LAMA3: variants seen among roughly 807,000 people sequenced by gnomAD.
The protein encoded by LAMA3 is laminin subunit alpha 3.
In LAMA3, 281 loss-of-function variants were observed where a neutral mutation model predicts 402.0. The ratio of observed to expected loss-of-function variants is 0.70; its 90% CI spans 0.63 to 0.77. The LOEUF (loss-of-function observed/expected upper bound fraction) is 0.77. Ranked by LOEUF, LAMA3 falls within the 30% of genes least tolerant of loss-of-function variation. The pLI is 0.00. For synonymous variants in LAMA3, 1,431 were observed against 1,558.4 expected, an observed-to-expected ratio of 0.92 and a Z score of 1.93; for missense variants, 3,840 against 4,215.5, an observed-to-expected ratio of 0.91 and a Z score of 2.47.
At chr18:23,815,688 T>C in intron 17 of LAMA3, 115 bp downstream of exon 17, 1 of 770,104 alleles carries the variant, frequency 1.3e-6, no homozygotes, top group East Asian at 2.6e-5. Context: ...GGAATGGCCC[T>C]GAAACATTCT....
At chr18:23,865,799 G>T (rs1390976154) in intron 36 of LAMA3, among the ~76,000 whole-genome samples, 1 of 152,202 alleles carries the variant, frequency 6.6e-6, no homozygotes, top group Non-Finnish European at 1.5e-5. Flanking sequence ...CTCGGGGGTG[G>T]TACAGGGCAG....
At chr18:23,899,216 C>T (rs2080982076) in intron 46 of LAMA3, 72 bp from the exon 47 acceptor site, 1 of 1,316,900 alleles carries the variant, frequency 7.6e-7, no homozygotes, top group East Asian at 2.4e-5. Flanking sequence ...GAAGTTTCTA[C>T]CTTTTTTTTT....
At chr18:23,694,335 G>A (rs1187080124) in intron 1 of LAMA3, among the ~76,000 whole-genome samples, 1 of 152,176 alleles carries the variant, frequency 6.6e-6, no homozygotes, top group East Asian at 1.9e-4. Flanking sequence ...CTGTGTATAG[G>A]AGTGATACCA....
rs117428964 is a variant in LAMA3 at position 23,923,928 on chromosome 18, A to G, written c.8177+2343A>G. ...TTTTGGCTCAGCAAAACTTTAGGTTAATTCAGCACTCAACCTTTATTTGCC... is the reference window on the plus strand; with the variant it reads ...TTTTGGCTCAGCAAAACTTTAGGTTGATTCAGCACTCAACCTTTATTTGCC... On this transcript the variant is annotated intron_variant, in intron 62 of 74. Coordinates refer to ENST00000313654, the MANE Select transcript of LAMA3 (RefSeq NM_198129.4). Among the ~76,000 whole-genome samples the G allele has an allele frequency of 3.6e-3, 542 of 152,352 alleles. 2 individuals are homozygous for G. Among genetic ancestry groups the G allele is most frequent in the Non-Finnish European group, 5.5e-3 (374 of 68,036 alleles).
intron 11 of LAMA3, chr18:23,781,236 G>T (rs190066947): frequency 2.2e-6 from 1 of 445,702 alleles, no homozygotes. Flanking sequence ...TGTGACATTC[G>T]TTCTCAGCCT....
chr18:23,842,667 G>T lies in LAMA3; in HGVS notation c.3520G>T (p.Ala1174Ser), dbSNP rs1025300353. Residue 1174 changes from alanine to serine, a missense_variant, in exon 29 of 75, where the codon GCC becomes TCC. By Grantham distance (99) the Ala-to-Ser change is moderately conservative. Transcript: ENST00000313654. ...GCTTGGCTGCCGGGATCAAGTGATT[G>T]CCGAAGGCCAGATTGAGTTTGACAT... Reference protein sequence around the residue: ...HVLGCRDQVIAEGQIEFDISE... With the variant: ...HVLGCRDQVISEGQIEFDISE... The T allele has an allele frequency of 3.1e-6, 5 of 1,614,078 alleles. No homozygotes were observed. The highest frequency in any genetic ancestry group is 4.2e-6 in the Non-Finnish European group (5 of 1,180,056).
At position 23,789,695 on chromosome 18, in the gene LAMA3, G is replaced by A. The variant is rs147427083; in HGVS notation, c.1603+5538G>A. Reference sequence around the variant, plus strand: ...GTGGATTGACTTGTTAATGAATATGGGATTTCTTTTAGGGGGAACGAAAAT... The same window carrying A: ...GTGGATTGACTTGTTAATGAATATGAGATTTCTTTTAGGGGGAACGAAAAT... On this transcript the variant is annotated intron_variant, in intron 12 of 74. Transcript: ENST00000313654. Among the ~76,000 whole-genome samples, 335 of 152,250 alleles carry A rather than the reference G, an allele frequency of 2.2e-3. 3 individuals carry two copies. Among genetic ancestry groups the A allele is most frequent in the Non-Finnish European group, 3.7e-3 (251 of 68,008 alleles).
chr18:23,806,062 A>G (rs989272646), intron 12 of LAMA3, among the ~76,000 whole-genome samples: 3 of 152,226 alleles, frequency 2.0e-5, no homozygotes, highest in African/African-American at 7.2e-5. Flanking sequence ...TTTCACTTCC[A>G]GGAACACCAT....
In LAMA3 at chr18:23,827,368, T is replaced by A. The variant is rs1457360475; in HGVS notation, c.2724T>A (p.Cys908Ter). 1 of 1,614,250 alleles carries A rather than the reference T, an allele frequency of 6.2e-7. No homozygotes were observed. Among genetic ancestry groups the A allele is most frequent in the South Asian group, 1.1e-5 (1 of 91,086 alleles). ...PVTRFPCTLA[C>*]EARHFLLDGE... ...CCAGATTCCCCTGTACCCTGGCTTG[T>A]GAGGCCAGACACTTCCTGCTTGATG... is the stretch of plus-strand genomic sequence containing the variant. The change falls in exon 23 of 75, where the codon TGT (cysteine) becomes TGA (stop). Residue 908 changes from cysteine to a stop codon, truncating the protein, a stop_gained. Transcript: ENST00000313654. LOFTEE classifies it high-confidence loss of function.
At chr18:23,700,557 A>G (rs1043179317) in intron 1 of LAMA3, among the ~76,000 whole-genome samples, 4 of 152,176 alleles carry the variant, frequency 2.6e-5, no homozygotes, top group African/African-American at 9.7e-5. Flanking sequence ...CATGACCTTG[A>G]GTGAGTTATT....
intron 12 of LAMA3, among the ~76,000 whole-genome samples, chr18:23,798,041 G>A (rs1403838416): frequency 6.6e-6 from 1 of 151,910 alleles, no homozygotes; most frequent in Non-Finnish European, 1.5e-5. Context: ...TTATTTAGGG[G>A]GTTTACTCTT....
chr18:23,689,654 G>A lies in LAMA3; in HGVS notation c.-30G>A, dbSNP rs900308417. The stretch of plus-strand genomic sequence containing the variant: ...GGTGCCCCCGAGCCCCTCTGCGGAC[G>A]GCTCAGGCGGGAGGACCCCGCGCGG... On this transcript the variant is annotated 5_prime_UTR_variant, in exon 1 of 75. Coordinates refer to ENST00000313654, the MANE Select transcript of LAMA3 (RefSeq NM_198129.4). The A allele has an allele frequency of 3.2e-6, 4 of 1,262,268 alleles. No homozygotes were observed. The highest frequency in any genetic ancestry group is 6.1e-5 in the South Asian group (2 of 32,566). 78.2% of individuals were successfully genotyped at this position (1,262,268 alleles called of 1,614,324 possible).
chr18:23,832,183 A>G (rs1040546871), intron 23 of LAMA3, among the ~76,000 whole-genome samples: 6 of 152,196 alleles, frequency 3.9e-5, no homozygotes, highest in Non-Finnish European at 8.8e-5. Flanking sequence ...AAAACCTGGT[A>G]CATCACTGAC....
At position 23,833,695 on chromosome 18, in the gene LAMA3, A is replaced by G; in HGVS notation, c.2824-133A>G. 4.2e-6 allele frequency: 4 copies of G among 950,472 alleles called. No individual in the cohort carries two copies. The South Asian group carries it at 5.3e-5, about 13-fold the overall frequency. 58.9% of individuals were successfully genotyped at this position (950,472 alleles called of 1,614,324 possible). A position where few individuals can be genotyped will look rare whatever the true frequency, so the allele number is the denominator to read the frequency against. On this transcript the variant is annotated intron_variant, in intron 23 of 74. Transcript: ENST00000313654. ...CTGGCATCTCAACCTGTAGGACCATATTCCTTACTGGGATGACATATAAAA... is the reference window on the plus strand; with the variant it reads ...CTGGCATCTCAACCTGTAGGACCATGTTCCTTACTGGGATGACATATAAAA...
chr18:23,754,984 C>T (rs970262237), intron 6 of LAMA3, among the ~76,000 whole-genome samples: 24 of 152,316 alleles, frequency 1.6e-4, no homozygotes, highest in South Asian at 2.1e-4. Context: ...AGCCATAACC[C>T]TTAATGTTGT....
intron 38 of LAMA3, chr18:23,872,982 A>C: frequency 6.2e-7 from 1 of 1,605,718 alleles, no homozygotes; most frequent in Admixed American, 1.7e-5. Flanking sequence ...CTGAGCAGGA[A>C]GGGCAGGTAT....
At chr18:23,836,068 G>A (rs2063574556) in intron 24 of LAMA3, among the ~76,000 whole-genome samples, 1 of 150,604 alleles carries the variant, frequency 6.6e-6, no homozygotes, top group Non-Finnish European at 1.5e-5. Flanking sequence ...TTTAACCCTA[G>A]GATTATGCCT....
intron 41 of LAMA3, among the ~76,000 whole-genome samples, chr18:23,887,178 C>T (rs571192192): frequency 6.6e-6 from 1 of 152,296 alleles, no homozygotes; most frequent in African/African-American, 2.4e-5. Flanking sequence ...CAGACAGTGT[C>T]CTCAAGGGCT....
intron 35 of LAMA3, among the ~76,000 whole-genome samples, chr18:23,863,834 G>A (rs1010843465): frequency 6.6e-6 from 1 of 152,108 alleles, no homozygotes; most frequent in African/African-American, 2.4e-5. Flanking sequence ...TAAAGGATGG[G>A]AGGTGTCAGG....
Sources: allele counts gnomAD v4.1 joint callset (sites outside exome capture counted in the v4.1 genomes callset), GRCh38; gene constraint gnomAD v4.1.1; transcripts MANE v1.5; gene names NCBI Gene and HGNC (gene_info 2026-07-23, HGNC 2026-07-21).